The following SLC41A2 variants were observed in gnomAD, a reference collection of about 807,000 sequenced individuals.
SLC41A2 encodes solute carrier family 41 member 2.
In SLC41A2, 32 loss-of-function variants were observed where a neutral mutation model predicts 58.3. The ratio of observed to expected loss-of-function variants is 0.55; its 90% CI spans 0.41 to 0.74. The LOEUF (loss-of-function observed/expected upper bound fraction) is 0.74, where lower values mean the gene tolerates loss of function less well. SLC41A2 is among the 30% of genes least tolerant of loss of function. SLC41A2 has a pLI of 0.00. For missense variants in SLC41A2, 514 were observed against 680.6 expected (o/e 0.76, Z 2.72); for synonymous variants, 190 against 235.0 (o/e 0.81, Z 1.75).
At chr12:104,947,324 C>T (rs1197566532) in intron 1 of SLC41A2, among the ~76,000 whole-genome samples, 14 of 150,978 alleles carry the variant, frequency 9.3e-5, no homozygotes, top group Admixed American at 9.3e-4. Context: ...CTGCCTCAGC[C>T]TCCTGAGTAG....
intron 10 of SLC41A2, among the ~76,000 whole-genome samples, chr12:104,841,000 T>G (rs1555200328): frequency 6.6e-6 from 1 of 152,038 alleles, no homozygotes; most frequent in Non-Finnish European, 1.5e-5. Context: ...AATCTGAAAG[T>G]TTTATTTTAA....
intron 1 of SLC41A2, among the ~76,000 whole-genome samples, chr12:104,946,343 G>A (rs1216668275): frequency 6.6e-6 from 1 of 152,080 alleles, no homozygotes; most frequent in Admixed American, 6.6e-5. Flanking sequence ...TGTGATCCTG[G>A]CTCACTTTTT....
rs1018519130 is a variant in SLC41A2 at position 104,928,556 on chromosome 12, T to C, written c.-29A>G. ...GTCATCACAAAAGACCCTGTACTCC[T>C]TAGATCTCAAGCTTCGGGAACCACA... On this transcript the variant is annotated 5_prime_UTR_variant, in exon 2 of 11. Coordinates refer to ENST00000258538, the MANE Select transcript of SLC41A2 (RefSeq NM_001352171.3). 5.0e-6 allele frequency: 7 copies of C among 1,394,726 alleles called. No homozygotes were observed. The highest frequency in any genetic ancestry group is 4.3e-5 in the African/African-American group (3 of 68,982). The allele number at this position is 1,394,726 out of a possible 1,614,324, so 86.4% of individuals were successfully genotyped here.
At chr12:104,873,228 C>T (rs183234616) in intron 6 of SLC41A2, among the ~76,000 whole-genome samples, 6 of 152,220 alleles carry the variant, frequency 3.9e-5, no homozygotes, top group African/African-American at 1.4e-4. Context: ...CTCTTCGTTC[C>T]TATGTATCTG....
chr12:104,901,338 C>A (rs1391201278), intron 3 of SLC41A2, among the ~76,000 whole-genome samples: 1 of 151,848 alleles, frequency 6.6e-6, no homozygotes, highest in Admixed American at 6.6e-5. Context: ...GATTCATTTT[C>A]CAATTATACA....
At chr12:104,869,156 T>C (rs1160723723) in intron 6 of SLC41A2, among the ~76,000 whole-genome samples, 1 of 152,112 alleles carries the variant, frequency 6.6e-6, no homozygotes, top group Non-Finnish European at 1.5e-5. Context: ...TGAGCCACCA[T>C]GTCAGGCCCA....
At chr12:104,898,544 CA>C (rs1431464365) in intron 3 of SLC41A2, among the ~76,000 whole-genome samples, 399 of 98,342 alleles carry the variant, frequency 4.1e-3, no homozygotes, top group Middle Eastern at 0.013. Context: ...ACTATATGTG[CA>C]AAAAAAAAAA....
At chr12:104,912,219 C>T (rs990926380) in intron 2 of SLC41A2, among the ~76,000 whole-genome samples, 1 of 152,118 alleles carries the variant, frequency 6.6e-6, no homozygotes, top group African/African-American at 2.4e-5. Flanking sequence ...CATCTAAAAT[C>T]GTTAGAATTT....
chr12:104,898,180 C>G (rs2135717997), intron 3 of SLC41A2, among the ~76,000 whole-genome samples: 1 of 152,200 alleles, frequency 6.6e-6, no homozygotes, highest in South Asian at 2.1e-4. Context: ...AAGAGTAGAG[C>G]TGAGGTGGCC....
At chr12:104,880,228 G>A (rs2044290613) in intron 6 of SLC41A2, among the ~76,000 whole-genome samples, 1 of 152,070 alleles carries the variant, frequency 6.6e-6, no homozygotes, top group Non-Finnish European at 1.5e-5. Context: ...GATAAAATGG[G>A]GTCTTCTAAA....
chr12:104,940,311 CTTA>C (rs2047454402), intron 1 of SLC41A2, among the ~76,000 whole-genome samples: 1 of 143,856 alleles, frequency 7.0e-6, no homozygotes, highest in Admixed American at 7.1e-5. Context: ...CGAGCCCAGC[CTTA>C]TTATTTTTAT....
In SLC41A2 at chr12:104,823,254, T is replaced by C. The variant is rs150191555; in HGVS notation, c.1537-17917A>G. ...CAGAAATCACAGTGGCAAAAGCATC[T>C]ACATTACATTTGGTTATTTAGTATA... On this transcript the variant is annotated intron_variant, in intron 10 of 10. Transcript: ENST00000258538. Among the ~76,000 whole-genome samples, 3 of 152,314 alleles carry C rather than the reference T, an allele frequency of 2.0e-5. No individual in the cohort carries two copies. In the East Asian group the frequency reaches 5.8e-4, roughly 29 times the overall value.
At chr12:104,873,317 A>G (rs946016166) in intron 6 of SLC41A2, among the ~76,000 whole-genome samples, 4 of 152,176 alleles carry the variant, frequency 2.6e-5, no homozygotes, top group African/African-American at 4.8e-5. Context: ...TTCACTTGAC[A>G]TATAATGTCT....
chr12:104,943,448 G>A (rs947202726), intron 1 of SLC41A2, among the ~76,000 whole-genome samples: 7 of 152,100 alleles, frequency 4.6e-5, no homozygotes, highest in African/African-American at 1.7e-4. Flanking sequence ...TAACCTCCTT[G>A]TTAAGTTTGT....
intron 10 of SLC41A2, chr12:104,834,101 TCAA>T: frequency 2.0e-6 from 2 of 985,382 alleles, no homozygotes; most frequent in Non-Finnish European, 2.4e-6. Context: ...CTCACAGGAA[TCAA>T]GCATGCTGTG....
At chr12:104,891,740 G>C (rs1169986580) in intron 4 of SLC41A2, among the ~76,000 whole-genome samples, 1 of 151,788 alleles carries the variant, frequency 6.6e-6, no homozygotes, top group Non-Finnish European at 1.5e-5. Flanking sequence ...AAATTGGAAA[G>C]AAAGAAGTCA....
At chr12:104,855,411 G>A (rs986309519) in intron 8 of SLC41A2, among the ~76,000 whole-genome samples, 2 of 151,864 alleles carry the variant, frequency 1.3e-5, no homozygotes, top group African/African-American at 2.4e-5. Context: ...TTTTATTCTC[G>A]TGCTTTTCTC....
At chr12:104,817,981 A>G (rs1321286315) in intron 10 of SLC41A2, among the ~76,000 whole-genome samples, 4 of 152,212 alleles carry the variant, frequency 2.6e-5, no homozygotes, top group African/African-American at 9.6e-5. Flanking sequence ...TAGATTTTAA[A>G]TGTTCTCATC....
chr12:104,883,936 T>C (rs1199229307), intron 6 of SLC41A2, among the ~76,000 whole-genome samples: 1 of 152,254 alleles, frequency 6.6e-6, no homozygotes, highest in East Asian at 1.9e-4. Context: ...AGCTATGTCC[T>C]GCTTCCAGAG....
Sources: allele counts gnomAD v4.1 joint callset (sites outside exome capture counted in the v4.1 genomes callset), GRCh38; gene constraint gnomAD v4.1.1; transcripts MANE v1.5; gene names NCBI Gene and HGNC (gene_info 2026-07-23, HGNC 2026-07-21).